Variants in SLC30A6 observed in about 807,000 individuals in gnomAD.
SLC30A6 encodes solute carrier family 30 member 6, also known as zinc transporter 6.
A neutral mutation model predicts 63.0 loss-of-function variants in SLC30A6; 55 were observed. That is an observed-to-expected ratio of 0.87 (90% CI 0.70 to 1.09). The LOEUF (loss-of-function observed/expected upper bound fraction) is 1.09. Ranked by LOEUF, SLC30A6 falls within the 50% of genes least tolerant of loss-of-function variation. The pLI is 0.00. For missense variants in SLC30A6, 587 were observed against 549.2 expected, an observed-to-expected ratio of 1.07 and a Z score of -0.69; for synonymous variants, 224 against 186.1, an observed-to-expected ratio of 1.20 and a Z score of -1.66.
At chr2:32,203,697 C>T in intron 10 of SLC30A6, 1 of 1,539,254 alleles carries the variant, frequency 6.5e-7, no homozygotes, top group Non-Finnish European at 9.0e-7. Flanking sequence ...TGCGTGTTTG[C>T]TTTGATGTTC....
At chr2:32,175,397 A>G (rs1681645286) in intron 4 of SLC30A6, 36 bp downstream of exon 4, 4 of 1,584,290 alleles carry the variant, frequency 2.5e-6, no homozygotes, top group Non-Finnish European at 3.5e-6. Flanking sequence ...TTTGGAGCTA[A>G]TAAGGAACTT....
rs1384784972 is a variant in SLC30A6 at position 32,193,309 on chromosome 2, G to A, written c.401+356G>A. Among the ~76,000 whole-genome samples the A allele has an allele frequency of 2.6e-5, 4 of 151,996 alleles. No individual in the cohort carries two copies. The East Asian group carries it at 5.8e-4, about 22-fold the overall frequency. ...AAAAGAGAATTGGACGAGGCTCAGG[G>A]ATTCAGTGTAATCCCAGCACTTTGG... On this transcript the variant is annotated intron_variant, in intron 7 of 13. Transcript: ENST00000282587.
rs1209693371 is a variant in SLC30A6, at chr2:32,223,933, A to G, written c.*3220A>G. 6.6e-6 allele frequency: 1 copy of G among 152,204 alleles called. No individual in the cohort carries two copies. The highest frequency in any genetic ancestry group is 1.5e-5 in the Non-Finnish European group (1 of 68,078). The allele number at this position is 152,204 out of a possible 1,614,324, so 9.4% of individuals were successfully genotyped here. A position where few individuals can be genotyped will look rare whatever the true frequency, so the allele number is the denominator to read the frequency against. ...TGTAGCAGGTACTGGAGAGGACCTG[A>G]ATTTCAAGCTTCTGATTTAGCTGTT... On this transcript the variant is annotated 3_prime_UTR_variant, in exon 14 of 14. Transcript: ENST00000282587.
At position 32,184,317 on chromosome 2, in the gene SLC30A6, C is replaced by A; in HGVS notation, c.263C>A (p.Pro88His). 1 of 1,513,202 alleles carries A rather than the reference C, an allele frequency of 6.6e-7. No individual in the cohort carries two copies. The highest frequency in any genetic ancestry group is 1.4e-5 in the South Asian group (1 of 72,618). 93.7% of individuals were successfully genotyped at this position (1,513,202 alleles called of 1,614,324 possible). The change falls in exon 5 of 14, where the codon CCT becomes CAT. Residue 88 changes from proline to histidine, a missense_variant. Transcript: ENST00000282587. ...AGTTACTGGGTAACATTGAGGAAAC[C>A]TAGCCCTGTCTATTCATTTGGGTAA... ...LISYWVTLRKPSPVYSFGFER... is the reference protein window; with the variant it reads ...LISYWVTLRKHSPVYSFGFER...
At chr2:32,208,714 A>G (rs1260688579) in intron 12 of SLC30A6, among the ~76,000 whole-genome samples, 1 of 151,328 alleles carries the variant, frequency 6.6e-6, no homozygotes, top group Non-Finnish European at 1.5e-5. Flanking sequence ...GGGTTTCGCC[A>G]TGTTGGCCTG....
At chr2:32,205,662 C>CT (rs745414068) in intron 11 of SLC30A6, among the ~76,000 whole-genome samples, 44,852 of 86,798 alleles carry the variant, frequency 0.52, 12,193 homozygotes, top group Non-Finnish European at 0.54. Flanking sequence ...AATGTTACTT[C>CT]TTTTTTTTTT....
intron 10 of SLC30A6, chr2:32,202,650 C>G: frequency 1.7e-6 from 1 of 594,426 alleles, no homozygotes; most frequent in Non-Finnish European, 3.2e-6. Context: ...TCTTTCTAAA[C>G]TGTGCCATGT....
intron 13 of SLC30A6, among the ~76,000 whole-genome samples, chr2:32,215,340 G>A (rs893294910): frequency 2.0e-5 from 3 of 151,360 alleles, no homozygotes; most frequent in East Asian, 1.9e-4. Flanking sequence ...GACTATAGGC[G>A]CGCACCACCA....
At chr2:32,215,379 G>T (rs920043389) in intron 13 of SLC30A6, among the ~76,000 whole-genome samples, 3 of 151,584 alleles carry the variant, frequency 2.0e-5, no homozygotes, top group Non-Finnish European at 4.4e-5. Flanking sequence ...ATTTTTTGTA[G>T]AGATGGGGTT....
intron 11 of SLC30A6, among the ~76,000 whole-genome samples, chr2:32,206,545 C>A (rs548092461): frequency 1.3e-5 from 2 of 152,094 alleles, no homozygotes; most frequent in African/African-American, 4.8e-5. Context: ...GTAGTTCCAT[C>A]TCCAGAAAAA....
chr2:32,206,404 C>T (rs1684777761), intron 11 of SLC30A6, among the ~76,000 whole-genome samples: 1 of 150,930 alleles, frequency 6.6e-6, no homozygotes. Flanking sequence ...CAAGATTGCG[C>T]CACTGCATTC....
In SLC30A6 at chr2:32,204,570, G is replaced by A. The variant is rs1346374437; in HGVS notation, c.666-20G>A. ...CAGTGAGATATAAATTTAAAATTTA[G>A]AATTGTTTTTTCCTTTTAGTAATTA... On this transcript the variant is annotated intron_variant, in intron 10 of 13. Coordinates refer to ENST00000282587, the MANE Select transcript of SLC30A6 (RefSeq NM_017964.5). 6.5e-7 allele frequency: 1 copy of A among 1,540,076 alleles called. No homozygotes were observed. The highest frequency in any genetic ancestry group is 9.0e-7 in the Non-Finnish European group (1 of 1,116,840).
chr2:32,187,287 T>G (rs866581332), intron 5 of SLC30A6: 1 of 468,654 alleles, frequency 2.1e-6, no homozygotes, highest in African/African-American at 2.0e-5. Context: ...ATTACTACTG[T>G]TAAAATAATA....
intron 4 of SLC30A6, chr2:32,177,708 T>G (rs1349885853): frequency 6.3e-6 from 1 of 158,048 alleles, no homozygotes; most frequent in Non-Finnish European, 1.4e-5. Flanking sequence ...TCACCCCGGG[T>G]GGAATGCATT....
At chr2:32,179,236 A>G (rs890577536) in intron 4 of SLC30A6, among the ~76,000 whole-genome samples, 9 of 152,206 alleles carry the variant, frequency 5.9e-5, no homozygotes, top group South Asian at 2.1e-4. Flanking sequence ...GGCAATATCA[A>G]TTAAATTTAT....
chr2:32,176,404 A>C (rs1181402209), intron 4 of SLC30A6, among the ~76,000 whole-genome samples: 1 of 152,044 alleles, frequency 6.6e-6, no homozygotes, highest in African/African-American at 2.4e-5. Context: ...CACGCCTGTA[A>C]TCCCAGCACT....
At chr2:32,169,725 C>G (rs532823903) in intron 1 of SLC30A6, among the ~76,000 whole-genome samples, 22 of 152,290 alleles carry the variant, frequency 1.4e-4, no homozygotes, top group Admixed American at 1.4e-3. Flanking sequence ...GCCGTGTAGC[C>G]TATATTTAAA....
chr2:32,205,807 A>T (rs1573388837), intron 11 of SLC30A6, among the ~76,000 whole-genome samples: 1 of 151,402 alleles, frequency 6.6e-6, no homozygotes, highest in East Asian at 2.0e-4. Context: ...AGCTGGGACT[A>T]CAGCCATGTG....
chr2:32,199,264 G>A (rs1467045468), intron 10 of SLC30A6, among the ~76,000 whole-genome samples: 1 of 152,104 alleles, frequency 6.6e-6, no homozygotes, highest in Admixed American at 6.5e-5. Context: ...ATTTGAATTG[G>A]TTGCATTTCT....
Sources: allele counts gnomAD v4.1 joint callset (sites outside exome capture counted in the v4.1 genomes callset), GRCh38; gene constraint gnomAD v4.1.1; transcripts MANE v1.5; gene names NCBI Gene and HGNC (gene_info 2026-07-23, HGNC 2026-07-21).